Variants in BCO1 observed in about 807,000 individuals in gnomAD.
BCO1 encodes beta,beta-carotene 15,15'-dioxygenase.
In BCO1, 54 loss-of-function variants were observed where a neutral mutation model predicts 56.3. The ratio of observed to expected loss-of-function variants is 0.96; its 90% CI spans 0.77 to 1.20. BCO1 has a LOEUF of 1.20. BCO1 is among the 50% of genes most tolerant of loss of function. The pLI, the probability that BCO1 is intolerant of heterozygous loss-of-function variation, is 0.00. For missense variants in BCO1, 801 were observed against 690.9 expected (o/e 1.16, Z -1.79); for synonymous variants, 318 against 266.1 (o/e 1.20, Z -1.90).
chr16:81,283,509 A>G (rs1907996464), intron 8 of BCO1, among the ~76,000 whole-genome samples: 1 of 152,094 alleles, frequency 6.6e-6, no homozygotes, highest in South Asian at 2.1e-4. Flanking sequence ...AGGCAGGAGA[A>G]TCGCTGGTCT....
chr16:81,250,003 T>A (rs1305460300), intron 2 of BCO1, among the ~76,000 whole-genome samples: 2 of 152,144 alleles, frequency 1.3e-5, no homozygotes, highest in Non-Finnish European at 2.9e-5. Context: ...ATTGTTTTGG[T>A]AGACAGAGGC....
intron 8 of BCO1, among the ~76,000 whole-genome samples, chr16:81,282,620 C>T (rs1160939445): frequency 6.6e-6 from 1 of 151,898 alleles, no homozygotes; most frequent in Non-Finnish European, 1.5e-5. Flanking sequence ...TAGATGATGC[C>T]AGGTCTGAAG....
chr16:81,257,072 G>C (rs986561512), intron 2 of BCO1, among the ~76,000 whole-genome samples: 4 of 152,024 alleles, frequency 2.6e-5, no homozygotes, highest in Non-Finnish European at 5.9e-5. Context: ...ACCTCTTAGC[G>C]GGTGAACAGG....
At chr16:81,240,966 C>T (rs1353986046) in intron 1 of BCO1, among the ~76,000 whole-genome samples, 1 of 150,902 alleles carries the variant, frequency 6.6e-6, no homozygotes, top group Non-Finnish European at 1.5e-5. Context: ...TCCCAAATAG[C>T]TGGAATGACA....
intron 1 of BCO1, among the ~76,000 whole-genome samples, chr16:81,244,687 CT>C (rs1403744296): frequency 6.8e-6 from 1 of 148,124 alleles, no homozygotes; most frequent in Non-Finnish European, 1.5e-5. Flanking sequence ...CACAAAGAAC[CT>C]TTTTCTACGT....
At chr16:81,267,005 G>A (rs1482868261) in intron 5 of BCO1, among the ~76,000 whole-genome samples, 2 of 152,192 alleles carry the variant, frequency 1.3e-5, no homozygotes, top group Non-Finnish European at 2.9e-5. Flanking sequence ...GTAGGCCTGG[G>A]TGGGGAGGCC....
intron 2 of BCO1, among the ~76,000 whole-genome samples, chr16:81,255,985 T>C (rs1344812891): frequency 6.6e-6 from 1 of 151,348 alleles, no homozygotes; most frequent in African/African-American, 2.4e-5. Context: ...GCTAATTTTT[T>C]TTGTATTTTT....
rs528253906 is a variant in BCO1 at position 81,251,894 on chromosome 16, A to G, written c.193+6291A>G. Among the ~76,000 whole-genome samples the G allele has an allele frequency of 9.6e-5, 12 of 125,390 alleles. No individual in the cohort carries two copies. The South Asian group carries it at 1.2e-3, about 12-fold the overall frequency. The allele number at this position is 125,390 out of a possible 152,430, so 82.3% of individuals were successfully genotyped here. On this transcript the variant is annotated intron_variant, in intron 2 of 10. Transcript: ENST00000258168. ...CATATATGTGTGTGTGTGTGTGTAT[A>G]TATATCTATATCTTCCCTTCTTCCC... is the stretch of plus-strand genomic sequence containing the variant.
chr16:81,262,387 G>C, intron 4 of BCO1, 104 bp downstream of exon 4: 1 of 1,288,860 alleles, frequency 7.8e-7, no homozygotes, highest in Non-Finnish European at 1.1e-6. Flanking sequence ...TACCAGGGGA[G>C]CCCCTCCTCT....
At chr16:81,269,878 G>T (rs1326804467) in intron 6 of BCO1, among the ~76,000 whole-genome samples, 1 of 152,200 alleles carries the variant, frequency 6.6e-6, no homozygotes, top group Non-Finnish European at 1.5e-5. Flanking sequence ...GCACACTGGA[G>T]CGTCTCTCCA....
intron 3 of BCO1, among the ~76,000 whole-genome samples, chr16:81,261,649 A>G (rs2151936670): frequency 6.6e-6 from 1 of 152,264 alleles, no homozygotes; most frequent in Admixed American, 6.5e-5. Flanking sequence ...AGCTAACTCA[A>G]CGTGGAGGTG....
At chr16:81,242,665 C>T (rs959738610) in intron 1 of BCO1, among the ~76,000 whole-genome samples, 3 of 152,104 alleles carry the variant, frequency 2.0e-5, no homozygotes, top group South Asian at 2.1e-4. Flanking sequence ...AGGGAATTTC[C>T]CAGTCCACAA....
chr16:81,247,783 C>T lies in BCO1; in HGVS notation c.193+2180C>T, dbSNP rs182827158. 4.6e-3 allele frequency among the ~76,000 whole-genome samples: 695 copies of T among 152,234 alleles called. 2 individuals carry two copies. The highest frequency in any genetic ancestry group is 0.016 in the African/African-American group (658 of 41,540). On this transcript the variant is annotated intron_variant, in intron 2 of 10. Coordinates refer to ENST00000258168, the MANE Select transcript of BCO1 (RefSeq NM_017429.3). Reference sequence around the variant, plus strand: ...TCAGGTGATCTGCCCACCTCGGCCTCCCAAAGTGCTGGGGTTACAGGCATG... The same window carrying T: ...TCAGGTGATCTGCCCACCTCGGCCTTCCAAAGTGCTGGGGTTACAGGCATG...
At chr16:81,267,648 C>CTATA (rs887733305) in intron 5 of BCO1, among the ~76,000 whole-genome samples, 7 of 152,088 alleles carry the variant, frequency 4.6e-5, no homozygotes, top group African/African-American at 1.7e-4. Flanking sequence ...AGCCCCCAGG[C>CTATA]TATAGGTGAA....
chr16:81,253,066 A>T (rs1177264031), intron 2 of BCO1, among the ~76,000 whole-genome samples: 1 of 152,100 alleles, frequency 6.6e-6, no homozygotes, highest in African/African-American at 2.4e-5. Context: ...CCGAGATCGC[A>T]CTACTGCACT....
intron 2 of BCO1, among the ~76,000 whole-genome samples, chr16:81,254,562 C>T (rs1906012846): frequency 6.6e-6 from 1 of 151,814 alleles, no homozygotes; most frequent in Non-Finnish European, 1.5e-5. Flanking sequence ...CACGCCTCCC[C>T]TCAATTTTCT....
rs771730557 is a variant in BCO1 at position 81,259,692 on chromosome 16, G to A, written c.210G>A (p.Arg70=). 1.9e-6 allele frequency: 3 copies of A among 1,614,012 alleles called. No homozygotes were observed. In the African/African-American group the frequency reaches 4.0e-5, roughly 22 times the overall value. The change falls in exon 3 of 11, where the codon AGG becomes AGA. Residue 70 remains arginine, a synonymous_variant. Coordinates refer to ENST00000258168, the MANE Select transcript of BCO1 (RefSeq NM_017429.3). ...CTCTTGCAGGTGAAGTCTATTACAG[G>A]AGCAAATACCTGAGAAGCGATACCT... ...FTIRDGEVYY[R]SKYLRSDTYN... is the part of the protein sequence containing the mutation.
chr16:81,241,094 A>G (rs1056221193), intron 1 of BCO1, among the ~76,000 whole-genome samples: 1 of 152,126 alleles, frequency 6.6e-6, no homozygotes, highest in Admixed American at 6.5e-5. Flanking sequence ...TTGGCCTCCC[A>G]GAGTGCTGGG....
chr16:81,289,776 CT>C (rs1306405346), intron 10 of BCO1, among the ~76,000 whole-genome samples: 47 of 152,200 alleles, frequency 3.1e-4, no homozygotes, highest in African/African-American at 1.1e-3. Flanking sequence ...ATTATCGCAT[CT>C]CTACAGATGA....
Sources: gnomAD v4.1 joint callset for allele counts (sites outside exome capture counted in the v4.1 genomes callset) on GRCh38, gnomAD v4.1.1 for gene constraint, MANE v1.5 for transcripts, NCBI Gene and HGNC (gene_info 2026-07-23, HGNC 2026-07-21) for gene names.